The following SLC7A1 variants were observed in gnomAD, a reference collection of about 807,000 sequenced individuals.
SLC7A1 encodes the protein high affinity cationic amino acid transporter 1.
SLC7A1 carries 10 observed loss-of-function variants against 53.9 expected under a neutral mutation model. The ratio of observed to expected loss-of-function variants is 0.19; its 90% CI spans 0.11 to 0.31. SLC7A1 has a LOEUF of 0.31. Among genes scored for constraint, SLC7A1 ranks in the 10% least tolerant of loss-of-function variants. The probability of loss-of-function intolerance (pLI) is 1.00; values close to 1 mark genes in which losing one functional copy is unlikely to be tolerated. For synonymous variants in SLC7A1, 342 were observed against 338.7 expected (o/e 1.01, Z -0.11); for missense variants, 525 against 827.2 (o/e 0.63, Z 4.48).
rs115808764 is a variant in SLC7A1, at chr13:29,524,283, C to T, written c.705-30G>A. The stretch of plus-strand genomic sequence containing the variant: ...AAAAAAGAGCCGCAAACAAATGTCA[C>T]GTCACTCGCTGCGCAGTCTGGCGTA... On this transcript the variant is annotated intron_variant, in intron 5 of 12. Transcript: ENST00000380752. 1.2e-3 allele frequency: 1,935 copies of T among 1,613,738 alleles called. 17 individuals are homozygous for T. In the African/African-American group the frequency reaches 0.023, roughly 19 times the overall value.
At chr13:29,583,460 T>C (rs1054810591) in intron 1 of SLC7A1, among the ~76,000 whole-genome samples, 6 of 152,162 alleles carry the variant, frequency 3.9e-5, no homozygotes, top group African/African-American at 1.4e-4. Context: ...CCTCTGTGGG[T>C]CAAGGCCAGC....
intron 3 of SLC7A1, among the ~76,000 whole-genome samples, chr13:29,533,871 T>G (rs1566258810): frequency 6.6e-6 from 1 of 152,226 alleles, no homozygotes; most frequent in Non-Finnish European, 1.5e-5. Flanking sequence ...TCCTTTATTT[T>G]CAAAGCGGGC....
At chr13:29,536,834 G>A (rs1488661955) in intron 2 of SLC7A1, among the ~76,000 whole-genome samples, 1 of 152,252 alleles carries the variant, frequency 6.6e-6, no homozygotes, top group Non-Finnish European at 1.5e-5. Flanking sequence ...ACTACAGGAA[G>A]CACTTTTCTT....
At chr13:29,578,469 A>G (rs1209865160) in intron 1 of SLC7A1, among the ~76,000 whole-genome samples, 1 of 152,186 alleles carries the variant, frequency 6.6e-6, no homozygotes, top group Non-Finnish European at 1.5e-5. Context: ...ACATCTGCTA[A>G]GGCAAACCTA....
chr13:29,592,963 G>A (rs1442731172), intron 1 of SLC7A1, among the ~76,000 whole-genome samples: 1 of 152,062 alleles, frequency 6.6e-6, no homozygotes, highest in Non-Finnish European at 1.5e-5. Flanking sequence ...GGAGGCCATG[G>A]GCAGCAAGGA....
At chr13:29,592,761 C>T (rs1269249667) in intron 1 of SLC7A1, among the ~76,000 whole-genome samples, 1 of 152,096 alleles carries the variant, frequency 6.6e-6, no homozygotes. Context: ...AGGTCTAAAC[C>T]CTGGGGTGGA....
intron 1 of SLC7A1, among the ~76,000 whole-genome samples, chr13:29,560,477 AATTAT>A (rs1870703661): frequency 6.7e-6 from 1 of 150,174 alleles, no homozygotes; most frequent in African/African-American, 2.4e-5. Flanking sequence ...TACATTAATT[AATTAT>A]ATTACATTAA....
At chr13:29,586,530 T>A (rs577278671) in intron 1 of SLC7A1, among the ~76,000 whole-genome samples, 1 of 152,300 alleles carries the variant, frequency 6.6e-6, no homozygotes, top group African/African-American at 2.4e-5. Context: ...CAAAATCAAA[T>A]GTTCTTTGAA....
At chr13:29,563,571 C>G (rs566066121) in intron 1 of SLC7A1, among the ~76,000 whole-genome samples, 2 of 152,278 alleles carry the variant, frequency 1.3e-5, no homozygotes, top group East Asian at 1.9e-4. Context: ...ACGTAGGAGA[C>G]GAAGACAAGT....
At chr13:29,560,873 A>G (rs1373228008) in intron 1 of SLC7A1, among the ~76,000 whole-genome samples, 3 of 152,222 alleles carry the variant, frequency 2.0e-5, no homozygotes, top group Non-Finnish European at 2.9e-5. Context: ...CCAAAATATC[A>G]GAAAACATAT....
At chr13:29,524,534 G>A (rs941028857) in intron 5 of SLC7A1, among the ~76,000 whole-genome samples, 5 of 152,196 alleles carry the variant, frequency 3.3e-5, no homozygotes, top group African/African-American at 1.2e-4. Context: ...TGGGGACTAT[G>A]AGGCAGGGGT....
chr13:29,545,534 C>A lies in SLC7A1; in HGVS notation c.-15+8227G>T, dbSNP rs545084328. Among the ~76,000 whole-genome samples, 4 of 152,326 alleles carry A rather than the reference C, an allele frequency of 2.6e-5. No homozygotes were observed. In the East Asian group the frequency reaches 5.8e-4, roughly 22 times the overall value. ...ACATGAGACAATGTACTAGGAAACGCCCAGAAAACAGAACTCGCTGCTCTT... is the reference window on the plus strand; with the variant it reads ...ACATGAGACAATGTACTAGGAAACGACCAGAAAACAGAACTCGCTGCTCTT... On this transcript the variant is annotated intron_variant, in intron 2 of 12. Transcript: ENST00000380752.
intron 2 of SLC7A1, among the ~76,000 whole-genome samples, chr13:29,548,392 C>G (rs1457956170): frequency 6.6e-6 from 1 of 152,216 alleles, no homozygotes; most frequent in East Asian, 1.9e-4. Context: ...AGATGGAACC[C>G]ATGCCCACTG....
At chr13:29,514,725 C>CT (rs1162090652) in intron 12 of SLC7A1, 142 bp from the exon 13 acceptor site, 1 of 622,946 alleles carries the variant, frequency 1.6e-6, no homozygotes, top group East Asian at 2.8e-5. Flanking sequence ...CCAGCGGCCC[C>CT]TGTGACCTTT....
At position 29,532,896 on chromosome 13, in the gene SLC7A1, T is replaced by G. The variant is rs773918274; in HGVS notation, c.457A>C (p.Thr153Pro). The G allele has an allele frequency of 1.9e-6, 3 of 1,613,958 alleles. No individual in the cohort carries two copies. Among genetic ancestry groups the G allele is most frequent in the Admixed American group, 1.7e-5 (1 of 59,992 alleles). Residue 153 changes from threonine to proline, a missense_variant, in exon 4 of 13, where the codon ACT becomes CCT. Transcript: ENST00000380752. ...PIGEFSRTHM[T>P]LNAPGVLAEN... is the part of the protein sequence containing the mutation. ...GCCAGCACGCCGGGGGCGTTCAGAG[T>G]CATGTGTGTCCGTGAGAACTCCCCG...
chr13:29,587,068 G>A (rs867033366), intron 1 of SLC7A1, among the ~76,000 whole-genome samples: 2 of 152,138 alleles, frequency 1.3e-5, no homozygotes, highest in African/African-American at 4.8e-5. Context: ...GTCTGGGGCC[G>A]GAGTAGAAAA....
chr13:29,573,830 C>T (rs1208767600), intron 1 of SLC7A1, among the ~76,000 whole-genome samples: 1 of 152,018 alleles, frequency 6.6e-6, no homozygotes, highest in Non-Finnish European at 1.5e-5. Context: ...ACCTGGTAAC[C>T]CTGGTTTGGT....
chr13:29,567,390 G>C (rs915779976), intron 1 of SLC7A1, among the ~76,000 whole-genome samples: 27 of 152,164 alleles, frequency 1.8e-4, no homozygotes, highest in African/African-American at 6.3e-4. Context: ...TCATCAGGCA[G>C]TCAAAATGGA....
chr13:29,583,817 A>C (rs1871758099), intron 1 of SLC7A1, among the ~76,000 whole-genome samples: 1 of 152,234 alleles, frequency 6.6e-6, no homozygotes, highest in Non-Finnish European at 1.5e-5. Context: ...CAGTTCAATA[A>C]AATTACTCAC....
Sources: allele counts gnomAD v4.1 joint callset (sites outside exome capture counted in the v4.1 genomes callset), GRCh38; gene constraint gnomAD v4.1.1; transcripts MANE v1.5; gene names NCBI Gene and HGNC (gene_info 2026-07-23, HGNC 2026-07-21).